Variants in REC114 observed in about 807,000 individuals in gnomAD.
The protein encoded by REC114 is REC114 meiotic recombination protein, also known as meiotic recombination protein REC114.
REC114 carries 27 observed loss-of-function variants against 31.3 expected under a neutral mutation model. That is an observed-to-expected ratio of 0.86 (90% confidence interval 0.64 to 1.19). The LOEUF (loss-of-function observed/expected upper bound fraction) is 1.19. REC114 is among the 50% of genes most tolerant of loss of function. The pLI, the probability that REC114 is intolerant of heterozygous loss-of-function variation, is 0.00. For synonymous variants in REC114, 134 were observed against 127.7 expected (o/e 1.05, Z -0.33); for missense variants, 344 against 326.9 (o/e 1.05, Z -0.40).
At chr15:73,532,782 G>A (rs1894103598) in intron 2 of REC114, among the ~76,000 whole-genome samples, 2 of 152,090 alleles carry the variant, frequency 1.3e-5, no homozygotes, top group Non-Finnish European at 2.9e-5. Flanking sequence ...AGGGCAGCCA[G>A]AGAGAAAGGT....
intron 4 of REC114, 77 bp from the exon 5 acceptor site, chr15:73,556,225 A>G (rs1485600708): frequency 2.4e-6 from 3 of 1,256,136 alleles, no homozygotes; most frequent in African/African-American, 1.5e-5. Context: ...ATGAATGCAT[A>G]TTTCTGCTCT....
chr15:73,484,901 A>G (rs138991264), intron 2 of REC114, among the ~76,000 whole-genome samples: 1 of 152,312 alleles, frequency 6.6e-6, no homozygotes, highest in East Asian at 1.9e-4. Flanking sequence ...TGTTCTTCCA[A>G]CAGGAATTGT....
intron 1 of REC114, among the ~76,000 whole-genome samples, chr15:73,453,425 T>C (rs907492699): frequency 1.3e-5 from 2 of 152,196 alleles, no homozygotes; most frequent in Non-Finnish European, 2.9e-5. Flanking sequence ...TGAGATACCA[T>C]CTCATGCCTG....
intron 1 of REC114, among the ~76,000 whole-genome samples, chr15:73,469,633 T>C (rs1433596583): frequency 6.6e-6 from 1 of 151,796 alleles, no homozygotes; most frequent in Admixed American, 6.6e-5. Context: ...TCTTGCCATG[T>C]TGCCCAGGCT....
chr15:73,559,794 T>G lies in REC114; in HGVS notation c.679T>G (p.Ser227Ala). The change falls in exon 6 of 6, where the codon TCT (serine) becomes GCT (alanine). Residue 227 changes from serine (S) to alanine (A), a missense_variant. Ser to Ala is a moderately conservative substitution (Grantham distance 99, BLOSUM62 1). Transcript: ENST00000331090. The stretch of plus-strand genomic sequence containing the variant: ...GGAGCTGCCCCATGTCTATGAACAA[T>G]CTGCATGGGGTGCAGAAGAGTTAGG... Reference protein sequence around the residue: ...SEELPHVYEQSAWGAEELGPF... With the variant: ...SEELPHVYEQAAWGAEELGPF... 6.2e-7 allele frequency: 1 copy of G among 1,609,570 alleles called. No individual in the cohort carries two copies. The highest frequency in any genetic ancestry group is 8.5e-7 in the Non-Finnish European group (1 of 1,178,626).
chr15:73,468,794 T>A (rs1893096077), intron 1 of REC114, among the ~76,000 whole-genome samples: 1 of 152,124 alleles, frequency 6.6e-6, no homozygotes, highest in Non-Finnish European at 1.5e-5. Flanking sequence ...ATGTTTTTTC[T>A]GCATTCTCTC....
intron 4 of REC114, among the ~76,000 whole-genome samples, chr15:73,554,390 A>G (rs1375544622): frequency 6.6e-6 from 1 of 152,220 alleles, no homozygotes; most frequent in East Asian, 1.9e-4. Flanking sequence ...GCTCTCTTAC[A>G]TTCAGGTGTG....
At chr15:73,547,865 G>C (rs537903014) in intron 3 of REC114, among the ~76,000 whole-genome samples, 1 of 152,282 alleles carries the variant, frequency 6.6e-6, no homozygotes, top group Non-Finnish European at 1.5e-5. Context: ...CACAGGCACA[G>C]GCAAAGATTT....
intron 2 of REC114, among the ~76,000 whole-genome samples, chr15:73,504,395 G>A (rs1409185396): frequency 6.6e-6 from 1 of 151,596 alleles, no homozygotes; most frequent in Non-Finnish European, 1.5e-5. Flanking sequence ...TTTTCATATT[G>A]ATTACCAGTT....
intron 2 of REC114, among the ~76,000 whole-genome samples, chr15:73,502,978 A>G (rs1447886217): frequency 2.0e-5 from 3 of 152,230 alleles, no homozygotes; most frequent in Non-Finnish European, 4.4e-5. Context: ...ATACCACTAT[A>G]TATCTATTAG....
intron 2 of REC114, among the ~76,000 whole-genome samples, chr15:73,487,578 G>A (rs140804764): frequency 6.6e-6 from 1 of 152,316 alleles, no homozygotes; most frequent in African/African-American, 2.4e-5. Context: ...TCCTACTTTT[G>A]TACACACTGG....
intron 1 of REC114, among the ~76,000 whole-genome samples, chr15:73,463,048 A>G (rs550647716): frequency 2.6e-5 from 4 of 152,260 alleles, no homozygotes; most frequent in African/African-American, 9.6e-5. Context: ...AAGGACTTTA[A>G]AAAAGCATAA....
intron 2 of REC114, among the ~76,000 whole-genome samples, chr15:73,522,155 T>C (rs1472040498): frequency 6.6e-6 from 1 of 152,192 alleles, no homozygotes; most frequent in Admixed American, 6.5e-5. Flanking sequence ...TTCCCTGTCA[T>C]GTATACACAC....
chr15:73,493,596 C>T (rs891781517), intron 2 of REC114, among the ~76,000 whole-genome samples: 3 of 152,060 alleles, frequency 2.0e-5, no homozygotes, highest in Non-Finnish European at 4.4e-5. Context: ...CTGCAATAAC[C>T]TCACTGTCCT....
chr15:73,555,215 G>A (rs1382115936), intron 4 of REC114, among the ~76,000 whole-genome samples: 1 of 152,158 alleles, frequency 6.6e-6, no homozygotes, highest in Non-Finnish European at 1.5e-5. Flanking sequence ...ACTTGTTGCT[G>A]AAGGACAGAA....
At position 73,551,043 on chromosome 15, in the gene REC114, C is replaced by G; in HGVS notation, c.439C>G (p.Gln147Glu). 6.2e-7 allele frequency: 1 copy of G among 1,613,868 alleles called. No individual in the cohort carries two copies. The highest frequency in any genetic ancestry group is 1.1e-5 in the South Asian group (1 of 91,076). ...GAAGCTGGCACAATACATAACCGTG[C>G]AGGTGCCTGATGGAAACATCCAGGA... ...VQKLAQYITVQVPDGNIQELQ... is the reference protein window; with the variant it reads ...VQKLAQYITVEVPDGNIQELQ... Residue 147 changes from glutamine (Q) to glutamate (E), a missense_variant, in exon 4 of 6, where the codon CAG (glutamine) becomes GAG (glutamate). Coordinates refer to ENST00000331090, the MANE Select transcript of REC114 (RefSeq NM_001042367.2).
At chr15:73,510,802 CATGGTGGAT>C (rs1457776610) in intron 2 of REC114, among the ~76,000 whole-genome samples, 1 of 149,366 alleles carries the variant, frequency 6.7e-6, no homozygotes, top group Non-Finnish European at 1.5e-5. Context: ...CCCACTTGAT[CATGGTGGAT>C]AAGCTTTTTG....
At chr15:73,524,143 G>GGCCCTCT (rs1298353490) in intron 2 of REC114, among the ~76,000 whole-genome samples, 1 of 152,090 alleles carries the variant, frequency 6.6e-6, no homozygotes, top group African/African-American at 2.4e-5. Flanking sequence ...CTAAGAAAGA[G>GGCCCTCT]GAGACATCAG....
intron 5 of REC114, among the ~76,000 whole-genome samples, chr15:73,558,890 A>AT (rs1894521130): frequency 6.6e-6 from 1 of 152,236 alleles, no homozygotes; most frequent in African/African-American, 2.4e-5. Flanking sequence ...GCAAAAAAAT[A>AT]AAACCCAAAT....
Sources: gnomAD v4.1 joint callset for allele counts (sites outside exome capture counted in the v4.1 genomes callset) on GRCh38, gnomAD v4.1.1 for gene constraint, MANE v1.5 for transcripts, NCBI Gene and HGNC (gene_info 2026-07-23, HGNC 2026-07-21) for gene names.